The following KCNG3 variants were observed in gnomAD, a reference collection of about 807,000 sequenced individuals.
KCNG3 encodes potassium voltage-gated channel modifier subfamily G member 3.
In KCNG3, 15 loss-of-function variants were observed where a neutral mutation model predicts 29.0. The observed-to-expected ratio is 0.52, with a 90% CI of 0.35 to 0.80. KCNG3 has a LOEUF of 0.80. Ranked by LOEUF, KCNG3 falls within the 30% of genes least tolerant of loss-of-function variation. KCNG3 has a pLI of 0.01. For synonymous variants in KCNG3, 322 were observed against 248.9 expected, an observed-to-expected ratio of 1.29 and a Z score of -2.76; for missense variants, 512 against 605.7, an observed-to-expected ratio of 0.85 and a Z score of 1.62.
At chr2:42,426,441 C>A in the KCNG3 span, among the ~76,000 whole-genome samples, 1 of 152,206 alleles carries the variant, frequency 6.6e-6, no homozygotes, top group Admixed American at 6.5e-5. Context: ...TACATCTGAT[C>A]CTTCCATGAC....
intron 1 of KCNG3, among the ~76,000 whole-genome samples, chr2:42,474,009 G>C (rs1673359054): frequency 6.6e-6 from 1 of 151,682 alleles, no homozygotes. Flanking sequence ...AAAATTAGCT[G>C]GGTGTGGTGG....
chr2:42,428,654 AAAG>A, the KCNG3 span, among the ~76,000 whole-genome samples: 14 of 152,260 alleles, frequency 9.2e-5, no homozygotes, highest in Admixed American at 7.9e-4. Context: ...AATTAGATCA[AAAG>A]AAGGGAAAAA....
intron 1 of KCNG3, among the ~76,000 whole-genome samples, chr2:42,486,339 C>G (rs2103737668): frequency 6.6e-6 from 1 of 152,362 alleles, no homozygotes; most frequent in South Asian, 2.1e-4. Context: ...CTGCTATTCC[C>G]TAAGATCAAG....
chr2:42,433,644 C>A, the KCNG3 span, among the ~76,000 whole-genome samples: 3 of 152,146 alleles, frequency 2.0e-5, no homozygotes, highest in African/African-American at 7.2e-5. Context: ...GAGGCTGAGG[C>A]AGGAGAATTG....
the KCNG3 span, among the ~76,000 whole-genome samples, chr2:42,403,264 T>C: frequency 4.0e-5 from 6 of 151,662 alleles, no homozygotes; most frequent in Non-Finnish European, 8.8e-5. Context: ...ACCTCAGCCT[T>C]CCGAGTAGCT....
At chr2:42,432,097 G>A in the KCNG3 span, among the ~76,000 whole-genome samples, 2 of 152,004 alleles carry the variant, frequency 1.3e-5, no homozygotes, top group Admixed American at 1.3e-4. Flanking sequence ...GTCTTCAAGG[G>A]CTTTTTGCAG....
At chr2:42,435,056 A>G in the KCNG3 span, among the ~76,000 whole-genome samples, 1 of 152,290 alleles carries the variant, frequency 6.6e-6, no homozygotes, top group South Asian at 2.1e-4. Flanking sequence ...CAATCCTAGT[A>G]CTTTGGGAGG....
At chr2:42,471,338 G>A (rs1673283647) in intron 1 of KCNG3, among the ~76,000 whole-genome samples, 1 of 151,994 alleles carries the variant, frequency 6.6e-6, no homozygotes, top group African/African-American at 2.4e-5. Context: ...AATCATAAAA[G>A]GAATAAAATA....
the KCNG3 span, among the ~76,000 whole-genome samples, chr2:42,391,612 T>C: frequency 7.2e-6 from 1 of 139,052 alleles, no homozygotes; most frequent in Admixed American, 7.1e-5. Context: ...TTTTTTTTTT[T>C]TTTTTTTTGA....
At chr2:42,403,949 C>A in the KCNG3 span, among the ~76,000 whole-genome samples, 1 of 152,162 alleles carries the variant, frequency 6.6e-6, no homozygotes, top group Admixed American at 6.5e-5. Flanking sequence ...CTGTTTTACT[C>A]TCTTTATCCA....
intron 1 of KCNG3, among the ~76,000 whole-genome samples, chr2:42,471,779 G>A (rs1266804123): frequency 6.6e-6 from 1 of 151,606 alleles, no homozygotes; most frequent in African/African-American, 2.4e-5. Context: ...AGCACTTTGG[G>A]AGGCAGAGGC....
the KCNG3 span, among the ~76,000 whole-genome samples, chr2:42,397,777 T>C: frequency 6.6e-6 from 1 of 152,198 alleles, no homozygotes. Context: ...CACTTAATAA[T>C]GGTGAAAAAT....
the KCNG3 span, among the ~76,000 whole-genome samples, chr2:42,392,599 A>G: frequency 3.9e-5 from 6 of 152,154 alleles, no homozygotes; most frequent in Non-Finnish European, 8.8e-5. Flanking sequence ...GTTGGGTGCT[A>G]CAGCCAAAGA....
chr2:42,483,399 G>C (rs1673640326), intron 1 of KCNG3, among the ~76,000 whole-genome samples: 2 of 152,188 alleles, frequency 1.3e-5, no homozygotes, highest in South Asian at 4.1e-4. Flanking sequence ...ACACCAATTT[G>C]CAAGGATATG....
chr2:42,422,790 C>T, the KCNG3 span, among the ~76,000 whole-genome samples: 8 of 152,148 alleles, frequency 5.3e-5, no homozygotes, highest in Non-Finnish European at 8.8e-5. Context: ...CCCTAAGCCA[C>T]CAGAATGGCT....
At chr2:42,406,139 T>C in the KCNG3 span, among the ~76,000 whole-genome samples, 2 of 152,244 alleles carry the variant, frequency 1.3e-5, no homozygotes, top group African/African-American at 4.8e-5. Flanking sequence ...CAATGTTTGA[T>C]ACTTCGCTAG....
At chr2:42,455,136 C>A (rs1672847736) in intron 1 of KCNG3, among the ~76,000 whole-genome samples, 2 of 152,136 alleles carry the variant, frequency 1.3e-5, no homozygotes, top group South Asian at 4.1e-4. Flanking sequence ...AGCCTTAATA[C>A]AGAACTTTTT....
At chr2:42,465,167 G>A (rs1379269759) in intron 1 of KCNG3, among the ~76,000 whole-genome samples, 1 of 151,584 alleles carries the variant, frequency 6.6e-6, no homozygotes, top group Non-Finnish European at 1.5e-5. Context: ...AAATTTAAAA[G>A]TGAAAACTTT....
chr2:42,438,021 G>A (rs1672404316), downstream of KCNG3, among the ~76,000 whole-genome samples: 1 of 150,308 alleles, frequency 6.7e-6, no homozygotes, highest in Non-Finnish European at 1.5e-5. Flanking sequence ...CTCAGAATTT[G>A]TAACTATAAA....
Sources: allele counts gnomAD v4.1 joint callset (sites outside exome capture counted in the v4.1 genomes callset), GRCh38; gene constraint gnomAD v4.1.1; transcripts MANE v1.5; gene names NCBI Gene and HGNC (gene_info 2026-07-23, HGNC 2026-07-21).